Variants in SPSB2 observed in about 807,000 individuals in gnomAD.
SPSB2 encodes the protein SPRY domain-containing SOCS box protein 2.
SPSB2 carries 25 observed loss-of-function variants against 19.2 expected under a neutral mutation model. That is an observed-to-expected ratio of 1.30 (90% CI 0.95 to 1.82). The LOEUF (loss-of-function observed/expected upper bound fraction) is 1.82. Among genes scored for constraint, SPSB2 ranks in the 40% most tolerant of loss-of-function variants. The probability of loss-of-function intolerance (pLI) is 0.00; values close to 1 mark genes in which losing one functional copy is unlikely to be tolerated. For synonymous variants in SPSB2, 153 were observed against 154.9 expected (o/e 0.99, Z 0.09); for missense variants, 413 against 344.9 (o/e 1.20, Z -1.56).
Position 6,872,615 on chromosome 12 carries a change from G to A in SPSB2, c.287C>T (p.Pro96Leu), listed in dbSNP as rs782584227. The A allele has an allele frequency of 2.5e-6, 4 of 1,609,914 alleles. No individual in the cohort carries two copies. In the Admixed American group the frequency reaches 6.7e-5, roughly 27 times the overall value. ...GGCATGCGTGCCCCTCTGCTCTAGG[G>A]GCCAGCTGATCTCCCAGGCGTGCAG... ...RGLHAWEISW[P>L]LEQRGTHAVV... The change falls in exon 2 of 3, where the codon CCC becomes CTC. Residue 96 changes from proline to leucine, a missense_variant. Coordinates refer to ENST00000524270, the MANE Select transcript of SPSB2 (RefSeq NM_032641.4).
intron 2 of SPSB2, chr12:6,871,772 CCA>C (rs1340392516): frequency 1.1e-5 from 4 of 378,496 alleles, no homozygotes; most frequent in African/African-American, 8.1e-5. Flanking sequence ...GCCCAGGGCC[CCA>C]GTGTCTCCAT....
At chr12:6,871,852 G>T in intron 2 of SPSB2, 1 of 638,370 alleles carries the variant, frequency 1.6e-6, no homozygotes, top group Non-Finnish European at 2.5e-6. Flanking sequence ...AGGGAATCCG[G>T]TATACAGCCT....
rs1215020727 is a variant in SPSB2, at chr12:6,871,137, C to A, written c.*55G>T. 139 of 1,553,880 alleles carry A rather than the reference C, an allele frequency of 8.9e-5. No homozygotes were observed. The highest frequency in any genetic ancestry group is 1.2e-4 in the Non-Finnish European group (137 of 1,148,938). The stretch of plus-strand genomic sequence containing the variant: ...CTAGGCCAGCAGTGCCTCCCCACCT[C>A]CCCAAGGGGAGGGGTGGTGGCAAGA... On this transcript the variant is annotated 3_prime_UTR_variant, in exon 3 of 3. Transcript: ENST00000524270.
At chr12:6,871,427 T>C in intron 2 of SPSB2, 108 bp from the exon 3 acceptor site, 1 of 1,240,560 alleles carries the variant, frequency 8.1e-7, no homozygotes, top group East Asian at 2.4e-5. Flanking sequence ...GCTTCGAGTG[T>C]GCCCACCTGG....
At chr12:6,871,476 C>T in intron 2 of SPSB2, 157 bp from the exon 3 acceptor site, 1 of 795,534 alleles carries the variant, frequency 1.3e-6, no homozygotes, top group Non-Finnish European at 2.0e-6. Context: ...GTTCTGCCTC[C>T]CAGATAAGAT....
At position 6,871,142 on chromosome 12, in the gene SPSB2, A is replaced by C; in HGVS notation, c.*50T>G. On this transcript the variant is annotated 3_prime_UTR_variant, in exon 3 of 3. Transcript: ENST00000524270. ...CCAGCAGTGCCTCCCCACCTCCCCA[A>C]GGGGAGGGGTGGTGGCAAGACCTCA... is the stretch of plus-strand genomic sequence containing the variant. The C allele has an allele frequency of 6.4e-7, 1 of 1,552,590 alleles. No homozygotes were observed. Among genetic ancestry groups the C allele is most frequent in the Non-Finnish European group, 8.7e-7 (1 of 1,146,664 alleles).
rs1555133398 is a variant in SPSB2 at position 6,871,309 on chromosome 12, G to A, written c.675C>T (p.His225=). 1.2e-5 allele frequency: 20 copies of A among 1,613,314 alleles called. No homozygotes were observed. The highest frequency in any genetic ancestry group is 1.7e-5 in the Non-Finnish European group (20 of 1,179,794). The change falls in exon 3 of 3, where the codon CAC becomes CAT. Residue 225 remains histidine (H), a synonymous_variant. Transcript: ENST00000524270. Reference sequence around the variant, plus strand: ...ACAGGCGGCTCAGGTGCAGAAGGGAGTGTGGCTCCGCTGGGAGAGAGAAGG... The same window carrying A: ...ACAGGCGGCTCAGGTGCAGAAGGGAATGTGGCTCCGCTGGGAGAGAGAAGG... The part of the protein sequence containing the change: ...RYLGERRAEP[H]SLLHLSRLCV...
At position 6,872,372 on chromosome 12, in the gene SPSB2, G is replaced by C. The variant is rs781976734; in HGVS notation, c.530C>G (p.Thr177Ser). 5.6e-6 allele frequency: 9 copies of C among 1,614,204 alleles called. No individual in the cohort carries two copies. In the South Asian group the frequency reaches 9.9e-5, roughly 18 times the overall value. The part of the protein sequence containing the change: ...LLVVLDMEEG[T>S]LGYAIGGTYL... ...GGTGCCCCCAATAGCGTAGCCCAGA[G>C]TTCCCTCCTCCATGTCCAGAACCAC... is the stretch of plus-strand genomic sequence containing the variant. The change falls in exon 2 of 3, where the codon ACT becomes AGT. Residue 177 changes from threonine (T) to serine (S), a missense_variant. Coordinates refer to ENST00000524270, the MANE Select transcript of SPSB2 (RefSeq NM_032641.4).
At chr12:6,872,031 T>C (rs1944605474) in intron 2 of SPSB2, 2 of 1,479,828 alleles carry the variant, frequency 1.4e-6, no homozygotes, top group African/African-American at 2.8e-5. Flanking sequence ...CTTGAGAAAG[T>C]TGCTTTCTCA....
intron 2 of SPSB2, chr12:6,871,554 T>C: frequency 1.7e-6 from 1 of 572,446 alleles, no homozygotes. Flanking sequence ...CAGGCCAAGG[T>C]GGCTCTGACA....
Position 6,871,852 on chromosome 12 carries a change from G to A in SPSB2, c.664+386C>T, listed in dbSNP as rs868920596. 383 of 638,362 alleles carry A rather than the reference G, an allele frequency of 6.0e-4. 1 individual carries two copies. The Middle Eastern group carries it at 0.019, about 31-fold the overall frequency. The allele number at this position is 638,362 out of a possible 1,614,324, so 39.5% of individuals were successfully genotyped here. On this transcript the variant is annotated intron_variant, in intron 2 of 2. Transcript: ENST00000524270. ...GACAGGTTAGAGCCCAGGGAATCCG[G>A]TATACAGCCTGGGTACCTGGCTCTG...
At position 6,872,747 on chromosome 12, in the gene SPSB2, T is replaced by A. The variant is rs1944624453; in HGVS notation, c.155A>T (p.Asp52Val). The A allele has an allele frequency of 3.1e-6, 5 of 1,612,716 alleles. No individual in the cohort carries two copies. The highest frequency in any genetic ancestry group is 4.2e-6 in the Non-Finnish European group (5 of 1,180,032). The change falls in exon 2 of 3, where the codon GAC becomes GTC. Residue 52 changes from aspartate (D) to valine (V), a missense_variant. Physicochemically the swap from Asp to Val is radical, Grantham distance 152. Transcript: ENST00000524270. Reference protein sequence around the residue: ...AQRRHGWNPKDCSENIEVKEG... With the variant: ...AQRRHGWNPKVCSENIEVKEG... ...CTTGACCTCGATGTTCTCTGAACAGTCTTTGGGGTTCCAACCGTGGCGCCG... is the reference window on the plus strand; with the variant it reads ...CTTGACCTCGATGTTCTCTGAACAGACTTTGGGGTTCCAACCGTGGCGCCG...
Position 6,872,576 on chromosome 12 carries a change from GCCACGCCCA to G in SPSB2, c.317_325del (p.Val106_Val108del). The G allele has an allele frequency of 6.2e-7, 1 of 1,608,214 alleles. No individual in the cohort carries two copies. Among genetic ancestry groups the G allele is most frequent in the Non-Finnish European group, 8.5e-7 (1 of 1,178,924 alleles). On this transcript the variant is annotated inframe_deletion, in exon 2 of 3. Transcript: ENST00000524270. ...AGTCTGCAGCGGGGCGAGGGCCGTG[GCCACGCCCA>G]CCACGGCATGCGTGCCCCTCTGCTC...
chr12:6,872,210 T>G, intron 2 of SPSB2, 28 bp downstream of exon 2: 1 of 1,613,816 alleles, frequency 6.2e-7, no homozygotes, highest in Non-Finnish European at 8.5e-7. Context: ...GGACAGAAAG[T>G]TCTCCCCACG....
Position 6,872,860 on chromosome 12 carries a change from G to A in SPSB2, c.42C>T (p.Pro14=). Residue 14 remains proline (P), a synonymous_variant, in exon 2 of 3, where the codon CCC becomes CCT. Coordinates refer to ENST00000524270, the MANE Select transcript of SPSB2 (RefSeq NM_032641.4). ...TALAGGSSST[P]TPQALYPDLS... ...GGTCAGGGTACAGGGCCTGTGGCGT[G>A]GGGGTGCTGCTGCTGCCCCCTGCCA... The A allele has an allele frequency of 6.3e-7, 1 of 1,597,824 alleles. No homozygotes were observed. The highest frequency in any genetic ancestry group is 2.2e-5 in the East Asian group (1 of 44,496).
In SPSB2 at chr12:6,872,224, G is replaced by T. The variant is rs1944609372; in HGVS notation, c.664+14C>A. On this transcript the variant is annotated intron_variant, in intron 2 of 2. Transcript: ENST00000524270. ...GGGACAGAAAGTTCTCCCCACGTCTGCCCCAGGCCTCACCTCTCCTTTCGC... is the reference window on the plus strand; with the variant it reads ...GGGACAGAAAGTTCTCCCCACGTCTTCCCCAGGCCTCACCTCTCCTTTCGC... 6.2e-7 allele frequency: 1 copy of T among 1,613,996 alleles called. No individual in the cohort carries two copies. The highest frequency in any genetic ancestry group is 1.3e-5 in the African/African-American group (1 of 75,028).
chr12:6,872,197 C>G (rs369021328), intron 2 of SPSB2, 41 bp downstream of exon 2: 2 of 1,613,860 alleles, frequency 1.2e-6, no homozygotes, highest in African/African-American at 2.7e-5. Flanking sequence ...CCACTGCCAC[C>G]AGGGACAGAA....
In SPSB2 at chr12:6,872,852, T is replaced by C; in HGVS notation, c.50A>G (p.Gln17Arg). Residue 17 changes from glutamine (Q) to arginine (R), a missense_variant, in exon 2 of 3, where the codon CAG (glutamine) becomes CGG (arginine). Gln to Arg is a conservative substitution (Grantham distance 43). Coordinates refer to ENST00000524270, the MANE Select transcript of SPSB2 (RefSeq NM_032641.4). ...AGGSSSTPTP[Q>R]ALYPDLSCPE... ...ACAGGAGAGGTCAGGGTACAGGGCC[T>C]GTGGCGTGGGGGTGCTGCTGCTGCC... 3 of 1,602,420 alleles carry C rather than the reference T, an allele frequency of 1.9e-6. No individual in the cohort carries two copies. The highest frequency in any genetic ancestry group is 2.6e-6 in the Non-Finnish European group (3 of 1,172,750).
rs781826089 is a variant in SPSB2 at position 6,871,223 on chromosome 12, G to C, written c.761C>G (p.Pro254Arg). ...LGQVSALPLPPAMKRYLLYQ is the reference protein window; with the variant it reads ...LGQVSALPLPRAMKRYLLYQ ...GTAGAGCAGGTAGCGCTTCATGGCAGGGGGCAAGGGCAGGGCAGACACCTG... is the reference window on the plus strand; with the variant it reads ...GTAGAGCAGGTAGCGCTTCATGGCACGGGGCAAGGGCAGGGCAGACACCTG... Residue 254 changes from proline to arginine, a missense_variant, in exon 3 of 3, where the codon CCT becomes CGT. Transcript: ENST00000524270. 8 of 1,611,122 alleles carry C rather than the reference G, an allele frequency of 5.0e-6. No homozygotes were observed. In the Admixed American group the frequency reaches 1.3e-4, roughly 27 times the overall value.
Sources: gnomAD v4.1 joint callset for allele counts on GRCh38, gnomAD v4.1.1 for gene constraint, MANE v1.5 for transcripts, NCBI Gene and HGNC (gene_info 2026-07-23, HGNC 2026-07-21) for gene names.